SMIM10L3: variants seen among roughly 807,000 people sequenced by gnomAD.
SMIM10L3 encodes the protein small integral membrane protein 10 like 3, also known as salivary gland specific protein SAGSIN1.
At chr7:6,348,060 G>A in the SMIM10L3 span, among the ~76,000 whole-genome samples, 60 of 151,376 alleles carry the variant, frequency 4.0e-4, no homozygotes, top group African/African-American at 1.4e-3. Context: ...ACAGGCACGC[G>A]CCACCACGCC....
the SMIM10L3 span, among the ~76,000 whole-genome samples, chr7:6,332,529 C>T: frequency 6.6e-6 from 1 of 152,020 alleles, no homozygotes; most frequent in Non-Finnish European, 1.5e-5. Flanking sequence ...AAAACACCAC[C>T]ACCCTCAGCC....
chr7:6,348,528 G>C, the SMIM10L3 span: 1 of 413,772 alleles, frequency 2.4e-6, no homozygotes, highest in Middle Eastern at 6.2e-4. Context: ...GGGCGAGGCG[G>C]GCGCTCGGGG....
chr7:6,335,604 C>A, the SMIM10L3 span, among the ~76,000 whole-genome samples: 1 of 152,014 alleles, frequency 6.6e-6, no homozygotes, highest in Admixed American at 6.6e-5. Flanking sequence ...TTAACATTTT[C>A]TATGTTTTAT....
chr7:6,346,616 A>T, the SMIM10L3 span, among the ~76,000 whole-genome samples: 1 of 152,136 alleles, frequency 6.6e-6, no homozygotes. Flanking sequence ...CCTGAGCTTA[A>T]GCGACGCAGA....
At chr7:6,331,175 G>A in the SMIM10L3 span, 1 of 1,601,490 alleles carries the variant, frequency 6.2e-7, no homozygotes, top group South Asian at 1.1e-5. Flanking sequence ...CTTGGATGCG[G>A]TGGGCCTGAG....
At chr7:6,333,121 C>T in the SMIM10L3 span, among the ~76,000 whole-genome samples, 1 of 150,686 alleles carries the variant, frequency 6.6e-6, no homozygotes, top group African/African-American at 2.4e-5. Context: ...CCCACCACTG[C>T]ACTCCAGCCT....
chr7:6,343,397 C>CATATATATAT, the SMIM10L3 span, among the ~76,000 whole-genome samples: 5 of 86,990 alleles, frequency 5.7e-5, no homozygotes, highest in African/African-American at 4.7e-5. Flanking sequence ...ATAATAATTT[C>CATATATATAT]ATATATATAT....
the SMIM10L3 span, among the ~76,000 whole-genome samples, chr7:6,334,090 C>T: frequency 1.3e-5 from 2 of 151,288 alleles, no homozygotes; most frequent in Non-Finnish European, 2.9e-5. Flanking sequence ...TCGTGATCCG[C>T]CCACCTTGGC....
the SMIM10L3 span, among the ~76,000 whole-genome samples, chr7:6,345,984 G>C: frequency 1.3e-5 from 2 of 152,004 alleles, no homozygotes; most frequent in East Asian, 3.9e-4. Context: ...GTCCAGGCTG[G>C]TCTTAAACTC....
chr7:6,334,569 C>G, the SMIM10L3 span, among the ~76,000 whole-genome samples: 30 of 151,356 alleles, frequency 2.0e-4, no homozygotes, highest in African/African-American at 7.3e-4. Context: ...CTGGGTTCAA[C>G]AATTCTCCTG....
At chr7:6,340,356 G>C in the SMIM10L3 span, among the ~76,000 whole-genome samples, 6 of 152,302 alleles carry the variant, frequency 3.9e-5, no homozygotes, top group Admixed American at 3.9e-4. Flanking sequence ...AAACGCTGCT[G>C]AGAGGGTTGG....
chr7:6,331,105 T>C, the SMIM10L3 span: 2 of 1,613,278 alleles, frequency 1.2e-6, no homozygotes, highest in Non-Finnish European at 1.7e-6. Flanking sequence ...TCCTCCGGCC[T>C]GCTGCACTTG....
At chr7:6,338,699 G>C in the SMIM10L3 span, 3 of 152,440 alleles carry the variant, frequency 2.0e-5, no homozygotes, top group Non-Finnish European at 4.4e-5. Flanking sequence ...ACAATGGCCT[G>C]ACCTACTTAG....
At chr7:6,347,892 A>G in the SMIM10L3 span, among the ~76,000 whole-genome samples, 22 of 142,194 alleles carry the variant, frequency 1.5e-4, no homozygotes, top group East Asian at 4.2e-3. Flanking sequence ...CTTTATTATT[A>G]TTATTATTAT....
the SMIM10L3 span, among the ~76,000 whole-genome samples, chr7:6,346,701 G>C: frequency 2.0e-5 from 3 of 152,052 alleles, no homozygotes; most frequent in Non-Finnish European, 4.4e-5. Context: ...ACTCAATTTG[G>C]ATCAACAGCC....
chr7:6,332,556 G>A, the SMIM10L3 span, among the ~76,000 whole-genome samples: 2 of 152,116 alleles, frequency 1.3e-5, no homozygotes, highest in African/African-American at 4.8e-5. Context: ...GGTGGCTCAT[G>A]CTTATAAACT....
At chr7:6,341,179 T>A in the SMIM10L3 span, among the ~76,000 whole-genome samples, 3 of 147,874 alleles carry the variant, frequency 2.0e-5, no homozygotes, top group African/African-American at 7.6e-5. Flanking sequence ...GCACAGTGGC[T>A]CACCCCTGAA....
chr7:6,343,445 T>TATATATATATA, the SMIM10L3 span, among the ~76,000 whole-genome samples: 2 of 109,778 alleles, frequency 1.8e-5, no homozygotes, highest in African/African-American at 3.5e-5. Flanking sequence ...TATATATATA[T>TATATATATATA]GATCTAGGAC....
chr7:6,336,900 C>G, the SMIM10L3 span, among the ~76,000 whole-genome samples: 1 of 152,080 alleles, frequency 6.6e-6, no homozygotes, highest in Non-Finnish European at 1.5e-5. Context: ...GTGATCCGCC[C>G]ACCTCAGCCT....
Sources: allele counts gnomAD v4.1 joint callset (sites outside exome capture counted in the v4.1 genomes callset), GRCh38; gene constraint gnomAD v4.1.1; transcripts MANE v1.5; gene names NCBI Gene and HGNC (gene_info 2026-07-23, HGNC 2026-07-21).